ARMH4: variants seen among roughly 807,000 people sequenced by gnomAD.
ARMH4 encodes armadillo-like helical domain-containing protein 4.
In ARMH4, 49 loss-of-function variants were observed where a neutral mutation model predicts 61.9. The observed-to-expected ratio is 0.79, with a 90% confidence interval of 0.63 to 1.00. ARMH4 has a LOEUF of 1.00. ARMH4 is among the 50% of genes least tolerant of loss of function. The pLI, the probability that ARMH4 is intolerant of heterozygous loss-of-function variation, is 0.00. For missense variants in ARMH4, 934 were observed against 930.0 expected (o/e 1.00, Z -0.06); for synonymous variants, 368 against 341.5 (o/e 1.08, Z -0.85).
At chr14:58,066,922 A>T (rs1200978945) in intron 5 of ARMH4, among the ~76,000 whole-genome samples, 1 of 152,228 alleles carries the variant, frequency 6.6e-6, no homozygotes, top group Non-Finnish European at 1.5e-5. Context: ...GTTACTACTA[A>T]TTTTAGCAGA....
At chr14:58,108,709 T>C (rs1886248978) in intron 4 of ARMH4, among the ~76,000 whole-genome samples, 1 of 152,234 alleles carries the variant, frequency 6.6e-6, no homozygotes, top group Non-Finnish European at 1.5e-5. Context: ...TGAACACTCA[T>C]AAATGATCTC....
chr14:58,107,034 CTGAG>C (rs1408784198), intron 4 of ARMH4, among the ~76,000 whole-genome samples: 1 of 152,120 alleles, frequency 6.6e-6, no homozygotes, highest in Non-Finnish European at 1.5e-5. Context: ...CCCTATGACC[CTGAG>C]TAATTTTAGT....
Position 58,012,290 on chromosome 14 carries a change from G to A in ARMH4, c.2090-140C>T. ...AACAATATAACATAATGACGATAAT[G>A]GCCTTATTTTTATTTCTACTTATTT... On this transcript the variant is annotated intron_variant, in intron 5 of 7. Transcript: ENST00000267485. The A allele has an allele frequency of 1.1e-5, 5 of 475,166 alleles. No individual in the cohort carries two copies. The South Asian group carries it at 1.4e-4, about 13-fold the overall frequency. 29.4% of individuals were successfully genotyped at this position (475,166 alleles called of 1,614,324 possible). A position where few individuals can be genotyped will look rare whatever the true frequency, so the allele number is the denominator to read the frequency against.
chr14:58,060,182 T>A (rs967408665), intron 5 of ARMH4, among the ~76,000 whole-genome samples: 2 of 152,222 alleles, frequency 1.3e-5, no homozygotes, highest in Non-Finnish European at 2.9e-5. Context: ...GAGCTCCACT[T>A]TATTCACTCT....
At chr14:58,150,724 C>T (rs1244305031) in intron 1 of ARMH4, among the ~76,000 whole-genome samples, 1 of 151,968 alleles carries the variant, frequency 6.6e-6, no homozygotes, top group African/African-American at 2.4e-5. Flanking sequence ...TGCACAAGTG[C>T]TCGGTTCATT....
At chr14:58,144,596 A>G (rs11628557) in intron 1 of ARMH4, among the ~76,000 whole-genome samples, 81,606 of 151,982 alleles carry the variant, frequency 0.54, 22,382 homozygotes, top group Middle Eastern at 0.67. Context: ...GGCCTGGCGC[A>G]GTGGCTCACG....
chr14:58,065,241 A>T (rs868682219), intron 5 of ARMH4, among the ~76,000 whole-genome samples: 3 of 152,086 alleles, frequency 2.0e-5, no homozygotes, highest in African/African-American at 7.2e-5. Flanking sequence ...ACTCCATCTT[A>T]AAAAAAGAGA....
intron 5 of ARMH4, among the ~76,000 whole-genome samples, chr14:58,072,021 CCTT>C (rs1286809489): frequency 1.3e-5 from 2 of 152,160 alleles, no homozygotes; most frequent in African/African-American, 2.4e-5. Context: ...CTTGTTGTCT[CCTT>C]CTATTTCATC....
intron 5 of ARMH4, among the ~76,000 whole-genome samples, chr14:58,085,697 T>C (rs188549727): frequency 1.2e-3 from 189 of 152,278 alleles, no homozygotes; most frequent in African/African-American, 4.4e-3. Flanking sequence ...CTAAGAAGCA[T>C]TGAGTCTATT....
At chr14:58,048,305 T>C (rs545358982) in intron 5 of ARMH4, among the ~76,000 whole-genome samples, 1 of 152,358 alleles carries the variant, frequency 6.6e-6, no homozygotes, top group South Asian at 2.1e-4. Context: ...TCTTTTATTC[T>C]AAAAATATAA....
intron 5 of ARMH4, among the ~76,000 whole-genome samples, chr14:58,055,293 G>A (rs1305781102): frequency 2.0e-5 from 3 of 152,332 alleles, no homozygotes; most frequent in East Asian, 1.9e-4. Context: ...TCCCAGGACA[G>A]ATAGCTGTAT....
intron 1 of ARMH4, among the ~76,000 whole-genome samples, chr14:58,146,891 TATA>T (rs937548033): frequency 6.6e-6 from 1 of 152,234 alleles, no homozygotes. Context: ...GAGTTTCATA[TATA>T]ATATTAAGGC....
At chr14:58,023,958 G>T (rs1882934630) in intron 5 of ARMH4, among the ~76,000 whole-genome samples, 1 of 152,156 alleles carries the variant, frequency 6.6e-6, no homozygotes, top group Non-Finnish European at 1.5e-5. Flanking sequence ...AGTAAAACAT[G>T]TTGTAAACAG....
intron 5 of ARMH4, among the ~76,000 whole-genome samples, chr14:58,052,074 C>T (rs1258884272): frequency 1.3e-5 from 2 of 152,146 alleles, no homozygotes; most frequent in Non-Finnish European, 2.9e-5. Flanking sequence ...CCCTGGTCAT[C>T]TCCCAACCAG....
chr14:58,124,823 C>T (rs796628731), intron 4 of ARMH4, among the ~76,000 whole-genome samples: 16 of 152,262 alleles, frequency 1.1e-4, no homozygotes, highest in African/African-American at 3.9e-4. Flanking sequence ...TAATGGAATA[C>T]TTAAAAGTAA....
chr14:58,129,360 C>T (rs1042791525), intron 4 of ARMH4, among the ~76,000 whole-genome samples: 3 of 152,150 alleles, frequency 2.0e-5, no homozygotes, highest in African/African-American at 7.2e-5. Flanking sequence ...TTTCCAAATC[C>T]CATGGAGAAA....
chr14:58,017,346 T>G (rs906686415), intron 5 of ARMH4, among the ~76,000 whole-genome samples: 7 of 152,174 alleles, frequency 4.6e-5, no homozygotes, highest in African/African-American at 1.7e-4. Context: ...AAATTGTCGC[T>G]GTTTGCAGAT....
intron 4 of ARMH4, among the ~76,000 whole-genome samples, chr14:58,127,194 G>A (rs1886923424): frequency 6.6e-6 from 1 of 152,152 alleles, no homozygotes; most frequent in South Asian, 2.1e-4. Flanking sequence ...TGAGGAAATG[G>A]GGATTTAATA....
At chr14:58,029,326 C>G (rs548458496) in intron 5 of ARMH4, among the ~76,000 whole-genome samples, 1 of 152,182 alleles carries the variant, frequency 6.6e-6, no homozygotes, top group East Asian at 1.9e-4. Context: ...CTCCGCCCCC[C>G]AGGTTCAAGC....
Sources: gnomAD v4.1 joint callset for allele counts (sites outside exome capture counted in the v4.1 genomes callset) on GRCh38, gnomAD v4.1.1 for gene constraint, MANE v1.5 for transcripts, NCBI Gene and HGNC (gene_info 2026-07-23, HGNC 2026-07-21) for gene names.